Variants in PRR16 observed in about 807,000 individuals in gnomAD.
PRR16 encodes the protein proline rich 16.
In PRR16, 6 loss-of-function variants were observed where a neutral mutation model predicts 18.2. The observed-to-expected ratio is 0.33, with a 90% CI of 0.18 to 0.65. The LOEUF is 0.65. PRR16 is among the 30% of genes least tolerant of loss of function. The pLI is 0.74. For missense variants in PRR16, 412 were observed against 376.6 expected (o/e 1.09, Z -0.78); for synonymous variants, 151 against 147.8 (o/e 1.02, Z -0.16).
chr5:120,698,282 G>A, the PRR16 span, among the ~76,000 whole-genome samples: 15 of 152,012 alleles, frequency 9.9e-5, 1 homozygote, highest in African/African-American at 3.4e-4. Context: ...AATGATTGGT[G>A]ATGGCCTGGA....
chr5:120,754,095 TATATC>T, the PRR16 span, among the ~76,000 whole-genome samples: 3 of 116,318 alleles, frequency 2.6e-5, no homozygotes, highest in African/African-American at 9.5e-5. Flanking sequence ...ATGTTTTAGT[TATATC>T]AGGAAGAAAA....
intron 1 of PRR16, among the ~76,000 whole-genome samples, chr5:120,580,412 C>A (rs891651172): frequency 6.6e-6 from 1 of 151,196 alleles, no homozygotes; most frequent in Non-Finnish European, 1.5e-5. Flanking sequence ...TCCATCAATA[C>A]CTAGTTAATT....
At chr5:120,615,208 A>T (rs1754465943) in intron 1 of PRR16, among the ~76,000 whole-genome samples, 1 of 152,130 alleles carries the variant, frequency 6.6e-6, no homozygotes, top group South Asian at 2.1e-4. Flanking sequence ...GTACAGAGAA[A>T]TAGCCCCCAA....
At chr5:120,529,615 G>T (rs997263807) in intron 1 of PRR16, among the ~76,000 whole-genome samples, 1 of 152,086 alleles carries the variant, frequency 6.6e-6, no homozygotes, top group Non-Finnish European at 1.5e-5. Flanking sequence ...AGCTTTCATG[G>T]CTTGAGAAGT....
At chr5:120,764,388 C>T in the PRR16 span, among the ~76,000 whole-genome samples, 1 of 151,964 alleles carries the variant, frequency 6.6e-6, no homozygotes, top group African/African-American at 2.4e-5. Context: ...TTATACCAGC[C>T]TTGCATCCCT....
chr5:120,759,528 A>G, the PRR16 span, among the ~76,000 whole-genome samples: 1 of 152,200 alleles, frequency 6.6e-6, no homozygotes, highest in South Asian at 2.1e-4. Context: ...AGGAGGAGGC[A>G]TAGAGGGTTG....
chr5:120,610,641 C>T (rs905532212), intron 1 of PRR16, among the ~76,000 whole-genome samples: 1 of 152,124 alleles, frequency 6.6e-6, no homozygotes, highest in Admixed American at 6.5e-5. Flanking sequence ...CTCATTTTCT[C>T]TTGCCACTGC....
intron 1 of PRR16, among the ~76,000 whole-genome samples, chr5:120,609,167 A>G (rs1182507957): frequency 2.0e-5 from 3 of 151,996 alleles, no homozygotes; most frequent in Non-Finnish European, 2.9e-5. Context: ...TGTTTTTGGT[A>G]TATTGCATTA....
At chr5:120,504,343 A>G (rs941480503) in intron 1 of PRR16, among the ~76,000 whole-genome samples, 14 of 152,228 alleles carry the variant, frequency 9.2e-5, no homozygotes, top group African/African-American at 3.4e-4. Context: ...GAAGTCTTAC[A>G]TTCAGATTCT....
chr5:120,721,512 A>C, the PRR16 span, among the ~76,000 whole-genome samples: 1 of 152,058 alleles, frequency 6.6e-6, no homozygotes, highest in Non-Finnish European at 1.5e-5. Context: ...AATTATATGC[A>C]TTATGAACTT....
chr5:120,743,545 AG>A, the PRR16 span, among the ~76,000 whole-genome samples: 15,824 of 152,182 alleles, frequency 0.1, 1,033 homozygotes, highest in African/African-American at 0.18. Flanking sequence ...ACAGCCTGAC[AG>A]TTTTTACAAT....
chr5:120,574,274 C>T (rs1299446552), intron 1 of PRR16, among the ~76,000 whole-genome samples: 1 of 151,890 alleles, frequency 6.6e-6, no homozygotes, highest in Non-Finnish European at 1.5e-5. Context: ...TAATCATATA[C>T]AAAAAATATA....
At chr5:120,647,065 G>A (rs1039076365) in intron 1 of PRR16, among the ~76,000 whole-genome samples, 7 of 151,818 alleles carry the variant, frequency 4.6e-5, no homozygotes, top group Non-Finnish European at 5.9e-5. Flanking sequence ...TGACACAATC[G>A]TAAAAGTCAG....
At chr5:120,701,878 C>A in the PRR16 span, among the ~76,000 whole-genome samples, 1 of 152,076 alleles carries the variant, frequency 6.6e-6, no homozygotes, top group Non-Finnish European at 1.5e-5. Context: ...TTAGATCTTG[C>A]AGGATGGAAA....
the PRR16 span, among the ~76,000 whole-genome samples, chr5:120,711,772 G>A: frequency 1.3e-5 from 2 of 152,044 alleles, no homozygotes; most frequent in African/African-American, 4.8e-5. Context: ...AAGCAGAGGG[G>A]GCTAAGCCAA....
At chr5:120,495,718 A>G (rs75571643) in intron 1 of PRR16, among the ~76,000 whole-genome samples, 24 of 152,086 alleles carry the variant, frequency 1.6e-4, no homozygotes, top group African/African-American at 2.4e-4. Flanking sequence ...TGACTTTTCT[A>G]TTATTTAGGA....
chr5:120,529,017 A>AT (rs1030142269), intron 1 of PRR16, among the ~76,000 whole-genome samples: 2 of 151,776 alleles, frequency 1.3e-5, no homozygotes, highest in East Asian at 1.9e-4. Context: ...TAATTAAATC[A>AT]TTTTTTTTAT....
chr5:120,564,703 C>T (rs980284642), intron 1 of PRR16, among the ~76,000 whole-genome samples: 1 of 152,104 alleles, frequency 6.6e-6, no homozygotes, highest in Non-Finnish European at 1.5e-5. Flanking sequence ...AAACCAGGTA[C>T]TGGCTGGGCA....
the PRR16 span, among the ~76,000 whole-genome samples, chr5:120,730,056 A>T: frequency 1.9e-4 from 29 of 152,098 alleles, no homozygotes; most frequent in Admixed American, 1.7e-3. Context: ...CGTCAACCAG[A>T]AATGTTATTT....
Sources: allele counts gnomAD v4.1 joint callset (sites outside exome capture counted in the v4.1 genomes callset), GRCh38; gene constraint gnomAD v4.1.1; transcripts MANE v1.5; gene names NCBI Gene and HGNC (gene_info 2026-07-23, HGNC 2026-07-21).